Variants in PPP1R17 observed in about 807,000 individuals in gnomAD.
PPP1R17 encodes protein phosphatase 1 regulatory subunit 17, also known as G-substrate.
PPP1R17 carries 12 observed loss-of-function variants against 15.9 expected under a neutral mutation model. The ratio of observed to expected loss-of-function variants is 0.75; its 90% CI spans 0.48 to 1.22. The LOEUF (loss-of-function observed/expected upper bound fraction) is 1.22, where lower values mean the gene tolerates loss of function less well. Ranked by LOEUF, PPP1R17 falls within the 50% of genes most tolerant of loss-of-function variation. The probability of loss-of-function intolerance (pLI) is 0.00; values close to 1 mark genes in which losing one functional copy is unlikely to be tolerated. For synonymous variants in PPP1R17, 63 were observed against 64.5 expected (o/e 0.98, Z 0.11); for missense variants, 211 against 187.3 (o/e 1.13, Z -0.74).
intron 1 of PPP1R17, among the ~76,000 whole-genome samples, chr7:31,689,871 T>C (rs1467323682): frequency 6.6e-6 from 1 of 152,168 alleles, no homozygotes; most frequent in African/African-American, 2.4e-5. Flanking sequence ...AAATCCCAGA[T>C]CTGGAAATTG....
intron 4 of PPP1R17, among the ~76,000 whole-genome samples, chr7:31,705,986 A>ATTTTTTTTTTT (rs550189867): frequency 2.9e-4 from 15 of 52,518 alleles, no homozygotes; most frequent in South Asian, 8.5e-4. Context: ...CAGACCAGTA[A>ATTTTTTTTTTT]TTTTTTTTTT....
intron 4 of PPP1R17, among the ~76,000 whole-genome samples, chr7:31,705,986 A>ATT (rs550189867): frequency 0.024 from 1,279 of 52,500 alleles, 409 homozygotes; most frequent in Non-Finnish European, 0.031. Context: ...CAGACCAGTA[A>ATT]TTTTTTTTTT....
chr7:31,707,431 A>G lies in PPP1R17; in HGVS notation c.*148A>G, dbSNP rs1404829690. 1.6e-6 allele frequency: 1 copy of G among 618,096 alleles called. No homozygotes were observed. The highest frequency in any genetic ancestry group is 2.8e-6 in the Non-Finnish European group (1 of 355,236). The allele number at this position is 618,096 out of a possible 1,614,324, so 38.3% of individuals were successfully genotyped here. On this transcript the variant is annotated 3_prime_UTR_variant, in exon 5 of 5. Coordinates refer to ENST00000342032, the MANE Select transcript of PPP1R17 (RefSeq NM_006658.5). ...TTCTCCCCAGGAGATGTATGCCATC[A>G]AATTGCCAGTCACCTCTTTGTCTCT...
chr7:31,697,842 A>T (rs1303307280), intron 4 of PPP1R17, among the ~76,000 whole-genome samples: 1 of 152,218 alleles, frequency 6.6e-6, no homozygotes, highest in Non-Finnish European at 1.5e-5. Context: ...GACTAATATA[A>T]TAGAGAGGCT....
chr7:31,692,355 T>C (rs1792392024), intron 1 of PPP1R17, 51 bp from the exon 2 acceptor site: 1 of 1,064,178 alleles, frequency 9.4e-7, no homozygotes, highest in Non-Finnish European at 1.4e-6. Flanking sequence ...AATGATTGAA[T>C]GAATGAATAA....
At chr7:31,707,179 T>C in intron 4 of PPP1R17, 25 bp from the exon 5 acceptor site, 2 of 1,604,906 alleles carry the variant, frequency 1.2e-6, no homozygotes, top group South Asian at 2.2e-5. Context: ...GGTACTTAAT[T>C]GCAGGTCTGT....
chr7:31,689,775 G>A (rs1050259242), intron 1 of PPP1R17, among the ~76,000 whole-genome samples: 1 of 152,088 alleles, frequency 6.6e-6, no homozygotes, highest in Admixed American at 6.5e-5. Flanking sequence ...TAAGAAGTCC[G>A]TAATGACATC....
chr7:31,707,292 C>T lies in PPP1R17; in HGVS notation c.*9C>T. On this transcript the variant is annotated 3_prime_UTR_variant, in exon 5 of 5. Transcript: ENST00000342032. ...ACAAGATAGCTATTTAAAGATAGTTCCCCTGAGACCACTTGTAAATAGGTT... is the reference window on the plus strand; with the variant it reads ...ACAAGATAGCTATTTAAAGATAGTTTCCCTGAGACCACTTGTAAATAGGTT... 6.2e-7 allele frequency: 1 copy of T among 1,608,466 alleles called. No homozygotes were observed. The highest frequency in any genetic ancestry group is 8.5e-7 in the Non-Finnish European group (1 of 1,175,296).
rs550189867 is a variant in PPP1R17 at position 31,705,986 on chromosome 7, A to ATTTTTTTTTTTTTTT, written c.389-1196_389-1182dup. On this transcript the variant is annotated intron_variant, in intron 4 of 4. Transcript: ENST00000342032. ...GACTTCTGAATTTCACAGACCAGTA[A>ATTTTTTTTTTTTTTT]TTTTTTTTTTTTTTTTTTTTTTTTT... Among the ~76,000 whole-genome samples, 26 of 52,510 alleles carry ATTTTTTTTTTTTTTT rather than the reference A, an allele frequency of 5.0e-4. 4 individuals carry two copies. The highest frequency in any genetic ancestry group is 1.9e-3 in the African/African-American group (25 of 13,278). The allele number at this position is 52,510 out of a possible 152,430, so 34.4% of individuals were successfully genotyped here.
chr7:31,696,937 TTC>T (rs773470082), intron 3 of PPP1R17, 26 bp from the exon 4 acceptor site: 4 of 1,609,810 alleles, frequency 2.5e-6, no homozygotes, highest in Middle Eastern at 1.7e-4. Context: ...TTGATCCTGT[TTC>T]TCTCTGTGTT....
intron 4 of PPP1R17, among the ~76,000 whole-genome samples, chr7:31,706,898 T>C (rs1328227925): frequency 6.6e-6 from 1 of 151,606 alleles, no homozygotes; most frequent in Non-Finnish European, 1.5e-5. Flanking sequence ...TGCAAAGCAA[T>C]TGGTTATTTT....
intron 4 of PPP1R17, among the ~76,000 whole-genome samples, chr7:31,702,531 A>T (rs997407527): frequency 6.6e-6 from 1 of 152,132 alleles, no homozygotes; most frequent in African/African-American, 2.4e-5. Flanking sequence ...CTGCTATCAG[A>T]CCCCTTCAGG....
At chr7:31,698,384 A>T (rs1193413244) in intron 4 of PPP1R17, among the ~76,000 whole-genome samples, 1 of 151,964 alleles carries the variant, frequency 6.6e-6, no homozygotes, top group East Asian at 1.9e-4. Flanking sequence ...ACCTCTATCT[A>T]TCCCTTCGTC....
chr7:31,696,833 T>C (rs1792604383), intron 3 of PPP1R17, 132 bp from the exon 4 acceptor site: 1 of 1,017,688 alleles, frequency 9.8e-7, no homozygotes, highest in Non-Finnish European at 1.4e-6. Context: ...ATGAAAAGTC[T>C]TGCTTTATTA....
At chr7:31,694,980 G>A (rs1205203864) in intron 2 of PPP1R17, among the ~76,000 whole-genome samples, 1 of 152,164 alleles carries the variant, frequency 6.6e-6, no homozygotes, top group East Asian at 1.9e-4. Context: ...GGATCACCAG[G>A]AGGATGAGAC....
Position 31,697,743 on chromosome 7 carries a change from C to T in PPP1R17, c.388+626C>T, listed in dbSNP as rs181745255. Among the ~76,000 whole-genome samples, 209 of 152,062 alleles carry T rather than the reference C, an allele frequency of 1.4e-3. 1 individual carries two copies. Among genetic ancestry groups the T allele is most frequent in the Non-Finnish European group, 2.7e-3 (181 of 68,012 alleles). On this transcript the variant is annotated intron_variant, in intron 4 of 4. Coordinates refer to ENST00000342032, the MANE Select transcript of PPP1R17 (RefSeq NM_006658.5). ...ACAGATTGTTGTGTTGGGGAAGTGA[C>T]GGAGGGGAAAATATGCTAATGTTTT...
chr7:31,692,655 C>A, intron 2 of PPP1R17, 132 bp downstream of exon 2: 1 of 761,264 alleles, frequency 1.3e-6, no homozygotes, highest in Non-Finnish European at 2.2e-6. Context: ...TGGTGACAGC[C>A]AACACCAGAT....
chr7:31,708,450 T>C lies in PPP1R17; in HGVS notation c.*1167T>C, dbSNP rs747647059. 4.6e-5 allele frequency: 7 copies of C among 152,252 alleles called. No individual in the cohort carries two copies. Among genetic ancestry groups the C allele is most frequent in the Non-Finnish European group, 8.8e-5 (6 of 68,050 alleles). 9.4% of individuals were successfully genotyped at this position (152,252 alleles called of 1,614,324 possible). A position where few individuals can be genotyped will look rare whatever the true frequency, so the allele number is the denominator to read the frequency against. ...AGCTTGCCGGAAATAAAGCTACATC[T>C]ATCCACATCTCTGTCCTCGTGCGTT... On this transcript the variant is annotated 3_prime_UTR_variant, in exon 5 of 5. Coordinates refer to ENST00000342032, the MANE Select transcript of PPP1R17 (RefSeq NM_006658.5).
chr7:31,706,641 G>T (rs1793082039), intron 4 of PPP1R17, among the ~76,000 whole-genome samples: 1 of 152,126 alleles, frequency 6.6e-6, no homozygotes, highest in East Asian at 1.9e-4. Context: ...GTAGTAAAAT[G>T]CTTTTAAGTT....
Sources: allele counts gnomAD v4.1 joint callset (sites outside exome capture counted in the v4.1 genomes callset), GRCh38; gene constraint gnomAD v4.1.1; transcripts MANE v1.5; gene names NCBI Gene and HGNC (gene_info 2026-07-23, HGNC 2026-07-21).